Variants in PCSK6 observed in about 807,000 individuals in gnomAD.
PCSK6 encodes the protein paired basic amino acid cleaving enzyme 4.
PCSK6 carries 85 observed loss-of-function variants against 123.3 expected under a neutral mutation model. The ratio of observed to expected loss-of-function variants is 0.69; its 90% CI spans 0.58 to 0.83. The LOEUF is 0.83. Ranked by LOEUF, PCSK6 falls within the 40% of genes least tolerant of loss-of-function variation. The pLI is 0.00. For synonymous variants in PCSK6, 508 were observed against 516.0 expected, an observed-to-expected ratio of 0.98 and a Z score of 0.21; for missense variants, 1,191 against 1,282.3, an observed-to-expected ratio of 0.93 and a Z score of 1.09.
At chr15:101,488,507 G>A (rs1367735606) in intron 1 of PCSK6, among the ~76,000 whole-genome samples, 2 of 152,164 alleles carry the variant, frequency 1.3e-5, no homozygotes, top group Non-Finnish European at 2.9e-5. Context: ...GGGCTGGGAG[G>A]GCCCCGTGGG....
Position 101,324,567 on chromosome 15 carries a change from C to T in PCSK6, c.2377+283G>A, listed in dbSNP as rs145540896. On this transcript the variant is annotated intron_variant, in intron 17 of 21. Transcript: ENST00000611716. ...CTCTCTGCCCTTGCTCAGTAGTGGACGTTGACTCTGTTGCAGGTGGGTGAA... is the reference window on the plus strand; with the variant it reads ...CTCTCTGCCCTTGCTCAGTAGTGGATGTTGACTCTGTTGCAGGTGGGTGAA... Among the ~76,000 whole-genome samples the T allele has an allele frequency of 2.6e-3, 394 of 152,332 alleles. 1 individual carries two copies. Among genetic ancestry groups the T allele is most frequent in the African/African-American group, 8.8e-3 (366 of 41,576 alleles).
At chr15:101,344,155 TA>T (rs2040681849) in intron 13 of PCSK6, among the ~76,000 whole-genome samples, 1 of 152,260 alleles carries the variant, frequency 6.6e-6, no homozygotes. Context: ...CCATTTGACC[TA>T]AATTGTCAAT....
chr15:101,485,721 G>A (rs1472092479), intron 1 of PCSK6, among the ~76,000 whole-genome samples: 3 of 152,128 alleles, frequency 2.0e-5, no homozygotes, highest in Non-Finnish European at 4.4e-5. Context: ...TGACTCTACT[G>A]CTGGACTGTC....
intron 16 of PCSK6, among the ~76,000 whole-genome samples, chr15:101,325,498 C>T (rs1018763204): frequency 6.6e-6 from 1 of 152,208 alleles, no homozygotes; most frequent in East Asian, 1.9e-4. Context: ...CCCGGCTTGA[C>T]CTTGCACGGC....
intron 20 of PCSK6, among the ~76,000 whole-genome samples, chr15:101,312,814 G>GA (rs77425550): frequency 0.23 from 34,959 of 151,950 alleles, 5,463 homozygotes; most frequent in African/African-American, 0.45. Context: ...CTGGGCGACA[G>GA]GCGAGACTCC....
intron 1 of PCSK6, among the ~76,000 whole-genome samples, chr15:101,479,078 A>G (rs1236364967): frequency 1.3e-5 from 2 of 152,216 alleles, no homozygotes; most frequent in Non-Finnish European, 2.9e-5. Flanking sequence ...AAAGACGCAG[A>G]CTATGAGACG....
intron 13 of PCSK6, among the ~76,000 whole-genome samples, chr15:101,359,830 A>C (rs897614042): frequency 2.3e-4 from 35 of 152,358 alleles, no homozygotes; most frequent in South Asian, 8.3e-4. Context: ...CATTGCTCAT[A>C]CAGCTTGAAA....
chr15:101,443,472 C>G, intron 2 of PCSK6, 84 bp downstream of exon 2: 1 of 891,664 alleles, frequency 1.1e-6, no homozygotes, highest in Non-Finnish European at 1.8e-6. Flanking sequence ...TATCCAGAAT[C>G]ACATTAAAAT....
chr15:101,431,512 G>A (rs1292008443), intron 3 of PCSK6, 49 bp from the exon 4 acceptor site: 20 of 1,610,008 alleles, frequency 1.2e-5, no homozygotes, highest in Non-Finnish European at 1.7e-5. Context: ...CATTCCAGAT[G>A]CAGAACTGAC....
intron 1 of PCSK6, among the ~76,000 whole-genome samples, 182 bp downstream of exon 1, chr15:101,489,192 C>T (rs1483747755): frequency 1.3e-5 from 1 of 75,166 alleles, no homozygotes; most frequent in African/African-American, 4.4e-5. Flanking sequence ...CCGCGCGCGC[C>T]CCCCCGGGCG....
chr15:101,312,954 G>T, intron 20 of PCSK6: 1 of 894,388 alleles, frequency 1.1e-6, no homozygotes, highest in Non-Finnish European at 1.4e-6. Context: ...GCAGTGAGCT[G>T]AGGTCACACC....
At chr15:101,355,894 G>A (rs562030322) in intron 13 of PCSK6, among the ~76,000 whole-genome samples, 6 of 152,118 alleles carry the variant, frequency 3.9e-5, no homozygotes, top group African/African-American at 9.7e-5. Context: ...CAAGAAGGGC[G>A]GGCTGGGAAG....
intron 1 of PCSK6, among the ~76,000 whole-genome samples, chr15:101,487,356 G>A (rs1010993253): frequency 2.6e-5 from 4 of 152,210 alleles, no homozygotes; most frequent in East Asian, 3.9e-4. Flanking sequence ...GGGAGACCCC[G>A]ATTAACTCCC....
chr15:101,315,276 G>A (rs1269013663), intron 19 of PCSK6, among the ~76,000 whole-genome samples: 1 of 152,210 alleles, frequency 6.6e-6, no homozygotes, highest in Non-Finnish European at 1.5e-5. Flanking sequence ...TACATTTTAT[G>A]TGATGTGTAT....
chr15:101,420,283 CAA>C (rs144881549), intron 6 of PCSK6, among the ~76,000 whole-genome samples: 1 of 150,128 alleles, frequency 6.7e-6, no homozygotes, highest in Non-Finnish European at 1.5e-5. Flanking sequence ...AGAGGAAATA[CAA>C]AACAGGTTTA....
chr15:101,429,230 TGGA>T (rs1234665360), intron 5 of PCSK6, among the ~76,000 whole-genome samples: 3 of 147,840 alleles, frequency 2.0e-5, no homozygotes, highest in African/African-American at 7.6e-5. Context: ...GGCATGCTGA[TGGA>T]GAAGGAAAGA....
At chr15:101,431,128 C>T (rs2056432560) in intron 4 of PCSK6, among the ~76,000 whole-genome samples, 192 bp downstream of exon 4, 1 of 152,234 alleles carries the variant, frequency 6.6e-6, no homozygotes, top group Admixed American at 6.5e-5. Context: ...AATCCCTCTG[C>T]AAAACCCTTG....
At chr15:101,354,984 C>A (rs2040998621) in intron 13 of PCSK6, among the ~76,000 whole-genome samples, 1 of 152,214 alleles carries the variant, frequency 6.6e-6, no homozygotes. Flanking sequence ...GCACCCAGTG[C>A]CTGCTGGAGA....
chr15:101,345,560 A>G (rs1446566313), intron 13 of PCSK6, among the ~76,000 whole-genome samples: 1 of 152,270 alleles, frequency 6.6e-6, no homozygotes, highest in Non-Finnish European at 1.5e-5. Flanking sequence ...ATGAATTACG[A>G]CACACACAGG....
Sources: gnomAD v4.1 joint callset for allele counts (sites outside exome capture counted in the v4.1 genomes callset) on GRCh38, gnomAD v4.1.1 for gene constraint, MANE v1.5 for transcripts, NCBI Gene and HGNC (gene_info 2026-07-23, HGNC 2026-07-21) for gene names.